Variants in MTUS2 observed in about 807,000 individuals in gnomAD.
The protein encoded by MTUS2 is microtubule-associated tumor suppressor candidate 2.
Under a neutral mutation model 114.1 loss-of-function variants are expected in MTUS2, and 40 were observed. The ratio of observed to expected loss-of-function variants is 0.35; its 90% CI spans 0.27 to 0.46. The LOEUF (loss-of-function observed/expected upper bound fraction) is 0.46. Among genes scored for constraint, MTUS2 ranks in the 20% least tolerant of loss-of-function variants. The pLI, the probability that MTUS2 is intolerant of heterozygous loss-of-function variation, is 1.00. For missense variants in MTUS2, 1,679 were observed against 1,705.4 expected (o/e 0.98, Z 0.27); for synonymous variants, 688 against 672.0 (o/e 1.02, Z -0.37).
intron 9 of MTUS2, among the ~76,000 whole-genome samples, chr13:29,463,524 C>T (rs896484657): frequency 2.0e-5 from 3 of 152,118 alleles, no homozygotes; most frequent in African/African-American, 7.2e-5. Flanking sequence ...GAAGTAGGCT[C>T]CAAGGGCACA....
At chr13:29,416,720 T>C (rs1465474543) in intron 8 of MTUS2, among the ~76,000 whole-genome samples, 1 of 152,178 alleles carries the variant, frequency 6.6e-6, no homozygotes, top group African/African-American at 2.4e-5. Context: ...TTTTCTTTCG[T>C]TGAGCTTTTT....
At chr13:29,170,743 A>G (rs1331057549) in intron 5 of MTUS2, among the ~76,000 whole-genome samples, 1 of 152,168 alleles carries the variant, frequency 6.6e-6, no homozygotes, top group Non-Finnish European at 1.5e-5. Context: ...CAGCTTGGAG[A>G]AATGCTACCA....
intron 2 of MTUS2, among the ~76,000 whole-genome samples, chr13:29,010,423 C>A (rs567508155): frequency 3.1e-4 from 47 of 152,090 alleles, no homozygotes; most frequent in Non-Finnish European, 6.2e-4. Flanking sequence ...GATAATTTGT[C>A]CAGCATTACT....
At chr13:29,281,369 C>A (rs945842299) in intron 5 of MTUS2, among the ~76,000 whole-genome samples, 1 of 151,916 alleles carries the variant, frequency 6.6e-6, no homozygotes, top group Non-Finnish European at 1.5e-5. Context: ...CATACATTTG[C>A]ACATACACAT....
chr13:29,063,792 T>TA (rs1888529893), intron 4 of MTUS2, among the ~76,000 whole-genome samples: 2 of 152,200 alleles, frequency 1.3e-5, no homozygotes, highest in South Asian at 4.1e-4. Flanking sequence ...ATTCTGAAAA[T>TA]ATGACAGTTT....
chr13:28,991,367 A>ATT (rs34590167), intron 2 of MTUS2, among the ~76,000 whole-genome samples: 16 of 125,470 alleles, frequency 1.3e-4, no homozygotes, highest in Admixed American at 1.7e-4. Context: ...TGTCTCTTCA[A>ATT]TTTTTTTTTT....
At chr13:29,212,968 C>T (rs1056870515) in intron 5 of MTUS2, among the ~76,000 whole-genome samples, 6 of 152,100 alleles carry the variant, frequency 3.9e-5, no homozygotes, top group African/African-American at 7.2e-5. Context: ...TAGTGACCAG[C>T]GCCTATCCCA....
chr13:29,411,186 T>A (rs1875210510), intron 8 of MTUS2, among the ~76,000 whole-genome samples: 1 of 152,174 alleles, frequency 6.6e-6, no homozygotes. Flanking sequence ...GGGGTTTTTG[T>A]TTTCTTTTTG....
intron 5 of MTUS2, among the ~76,000 whole-genome samples, chr13:29,275,493 C>T (rs1406026043): frequency 6.6e-6 from 1 of 151,998 alleles, no homozygotes; most frequent in Non-Finnish European, 1.5e-5. Flanking sequence ...ACCCATTAAC[C>T]ATCCCTACTC....
intron 9 of MTUS2, among the ~76,000 whole-genome samples, chr13:29,469,997 C>A (rs1390502759): frequency 6.6e-6 from 1 of 152,016 alleles, no homozygotes; most frequent in Non-Finnish European, 1.5e-5. Flanking sequence ...TTTAAAATGC[C>A]ACCTTGATAA....
intron 2 of MTUS2, among the ~76,000 whole-genome samples, chr13:28,917,686 T>C (rs1880824560): frequency 6.6e-6 from 1 of 151,888 alleles, no homozygotes; most frequent in Non-Finnish European, 1.5e-5. Flanking sequence ...TTTTATTTCG[T>C]TGTTCTTTTG....
intron 2 of MTUS2, among the ~76,000 whole-genome samples, chr13:28,849,207 A>T (rs778663952): frequency 7.9e-5 from 12 of 152,244 alleles, no homozygotes; most frequent in Non-Finnish European, 1.8e-4. Context: ...TTTGTTTTCC[A>T]AACACTCCTC....
rs528180255 is a variant in MTUS2 at position 29,163,350 on chromosome 13, T to A, written c.2644+62380T>A. Among the ~76,000 whole-genome samples, 87 of 152,214 alleles carry A rather than the reference T, an allele frequency of 5.7e-4. 1 individual carries two copies. Among genetic ancestry groups the A allele is most frequent in the Non-Finnish European group, 1.8e-4 (12 of 68,008 alleles). On this transcript the variant is annotated intron_variant, in intron 5 of 15. Transcript: ENST00000612955. ...GGGGTTTTCTGAGGGCTGACAGTGG[T>A]GTATGAGCAGATTGAGCCATGTGGG...
At chr13:29,382,615 G>C (rs1192607139) in intron 8 of MTUS2, among the ~76,000 whole-genome samples, 1 of 152,170 alleles carries the variant, frequency 6.6e-6, no homozygotes, top group Non-Finnish European at 1.5e-5. Context: ...AAGGTGTTAA[G>C]TAGGCCAAAT....
chr13:28,899,160 C>T (rs1370331598), intron 2 of MTUS2, among the ~76,000 whole-genome samples: 1 of 152,214 alleles, frequency 6.6e-6, no homozygotes. Context: ...ATCTCACGTA[C>T]CGTTTTCCTC....
chr13:29,192,925 TTATAA>T (rs1441941541), intron 5 of MTUS2, among the ~76,000 whole-genome samples: 5 of 152,132 alleles, frequency 3.3e-5, no homozygotes, highest in Admixed American at 1.3e-4. Flanking sequence ...GGATGGTAAA[TTATAA>T]TATAAGAGAA....
Position 29,148,789 on chromosome 13 carries a change from T to C in MTUS2, c.2644+47819T>C, listed in dbSNP as rs1892549706. Among the ~76,000 whole-genome samples the C allele has an allele frequency of 1.3e-5, 2 of 150,942 alleles. 1 individual carries two copies. Among genetic ancestry groups the C allele is most frequent in the Non-Finnish European group, 3.0e-5 (2 of 67,728 alleles). ...CACCGCGCCCGGCCCTGTGTTTGGT[T>C]TTCTGTTCCTGCCTTAGTTTGCTGA... is the stretch of plus-strand genomic sequence containing the variant. On this transcript the variant is annotated intron_variant, in intron 5 of 15. Coordinates refer to ENST00000612955, the MANE Select transcript of MTUS2 (RefSeq NM_001033602.4).
intron 6 of MTUS2, among the ~76,000 whole-genome samples, chr13:29,305,047 A>T (rs1899381854): frequency 6.6e-6 from 1 of 152,176 alleles, no homozygotes; most frequent in Non-Finnish European, 1.5e-5. Flanking sequence ...CTTGGGTAAA[A>T]ATGAAATTAA....
intron 2 of MTUS2, among the ~76,000 whole-genome samples, chr13:28,853,216 G>A (rs1235745575): frequency 6.6e-6 from 1 of 152,096 alleles, no homozygotes; most frequent in Non-Finnish European, 1.5e-5. Flanking sequence ...ATTTTCAAGA[G>A]GTAAAAAGTC....
Sources: gnomAD v4.1 joint callset for allele counts (sites outside exome capture counted in the v4.1 genomes callset) on GRCh38, gnomAD v4.1.1 for gene constraint, MANE v1.5 for transcripts, NCBI Gene and HGNC (gene_info 2026-07-23, HGNC 2026-07-21) for gene names.